SIPA1L1: variants seen among roughly 807,000 people sequenced by gnomAD.
SIPA1L1 encodes signal-induced proliferation-associated 1-like protein 1.
Under a neutral mutation model 162.7 loss-of-function variants are expected in SIPA1L1, and 26 were observed. The observed-to-expected ratio is 0.16, with a 90% CI of 0.12 to 0.22. The LOEUF is 0.22. Among genes scored for constraint, SIPA1L1 ranks in the 10% least tolerant of loss-of-function variants. The probability of loss-of-function intolerance (pLI) is 1.00; values close to 1 mark genes in which losing one functional copy is unlikely to be tolerated. For missense variants in SIPA1L1, 1,874 were observed against 2,241.0 expected, an observed-to-expected ratio of 0.84 and a Z score of 3.31; for synonymous variants, 829 against 837.4, an observed-to-expected ratio of 0.99 and a Z score of 0.17.
At chr14:71,433,797 G>A (rs2044180641) in intron 2 of SIPA1L1, among the ~76,000 whole-genome samples, 1 of 152,064 alleles carries the variant, frequency 6.6e-6, no homozygotes, top group South Asian at 2.1e-4. Flanking sequence ...AAAATCCAAG[G>A]CAATTTCATA....
intron 2 of SIPA1L1, among the ~76,000 whole-genome samples, chr14:71,461,556 A>T (rs1453252989): frequency 6.6e-6 from 1 of 152,178 alleles, no homozygotes; most frequent in African/African-American, 2.4e-5. Context: ...GACCACTCAG[A>T]GGGGTCCATC....
At chr14:71,364,241 A>G (rs753008461) in intron 2 of SIPA1L1, among the ~76,000 whole-genome samples, 4 of 152,162 alleles carry the variant, frequency 2.6e-5, no homozygotes, top group Non-Finnish European at 4.4e-5. Context: ...GTTATTTTTG[A>G]AAGTTAGATT....
At chr14:71,524,244 T>C (rs751587869) in intron 3 of SIPA1L1, among the ~76,000 whole-genome samples, 1 of 152,230 alleles carries the variant, frequency 6.6e-6, no homozygotes, top group Non-Finnish European at 1.5e-5. Context: ...GTTTTGTCTC[T>C]AGCCTCAGTG....
At position 71,536,627 on chromosome 14, in the gene SIPA1L1, C is replaced by T. The variant is rs1299396369; in HGVS notation, c.-303+7257C>T. ...TTTTAAAAAGAATGTGTTTCAGCAG[C>T]TGTTAATGTCAGCAGCAAGAACATA... On this transcript the variant is annotated intron_variant, in intron 4 of 23. Coordinates refer to ENST00000381232, the MANE Select transcript of SIPA1L1 (RefSeq NM_001386936.1). 3.3e-5 allele frequency among the ~76,000 whole-genome samples: 5 copies of T among 152,352 alleles called. No homozygotes were observed. The East Asian group carries it at 5.8e-4, about 18-fold the overall frequency.
intron 12 of SIPA1L1, among the ~76,000 whole-genome samples, chr14:71,678,117 T>A (rs538752751): frequency 8.5e-5 from 13 of 152,316 alleles, no homozygotes; most frequent in African/African-American, 2.9e-4. Flanking sequence ...CTTTTCCTAA[T>A]TGAATACCCT....
rs1555453967 is a variant in SIPA1L1, at chr14:71,543,871, A to ATATG, written c.-303+14502_-303+14503insATGT. 1.6e-3 allele frequency among the ~76,000 whole-genome samples: 228 copies of ATATG among 141,838 alleles called. 5 individuals are homozygous for ATATG. Among genetic ancestry groups the ATATG allele is most frequent in the Middle Eastern group, 3.6e-3 (1 of 278 alleles). The allele number at this position is 141,838 out of a possible 152,430, so 93.1% of individuals were successfully genotyped here. The stretch of plus-strand genomic sequence containing the variant: ...GTGTATATATACATATATCATACGT[A>ATATG]TGTGTATATATACATATATCATACG... On this transcript the variant is annotated intron_variant, in intron 4 of 23. Transcript: ENST00000381232.
Position 71,739,302 on chromosome 14 carries a change from C to T in SIPA1L1, c.*141C>T. 1 of 584,184 alleles carries T rather than the reference C, an allele frequency of 1.7e-6. No homozygotes were observed. The highest frequency in any genetic ancestry group is 2.6e-6 in the Non-Finnish European group (1 of 379,390). The allele number at this position is 584,184 out of a possible 1,614,324, so 36.2% of individuals were successfully genotyped here. On this transcript the variant is annotated 3_prime_UTR_variant, in exon 24 of 24. Transcript: ENST00000381232. ...GCCCCCTTTCGGGGAGTGCACAACACAATAGTTGCAGATCAACAATCATCA... is the reference window on the plus strand; with the variant it reads ...GCCCCCTTTCGGGGAGTGCACAACATAATAGTTGCAGATCAACAATCATCA...
At chr14:71,487,177 T>G (rs1268499244) in intron 2 of SIPA1L1, among the ~76,000 whole-genome samples, 2 of 152,228 alleles carry the variant, frequency 1.3e-5, no homozygotes, top group African/African-American at 4.8e-5. Flanking sequence ...GTTTCACGTC[T>G]TCTGCTCAGC....
chr14:71,448,410 C>A (rs2045574771), intron 2 of SIPA1L1, among the ~76,000 whole-genome samples: 1 of 152,070 alleles, frequency 6.6e-6, no homozygotes, highest in Non-Finnish European at 1.5e-5. Context: ...GAAACTGAGG[C>A]CCAGAGAGGT....
At chr14:71,699,727 C>T (rs545381354) in intron 14 of SIPA1L1, among the ~76,000 whole-genome samples, 52 of 152,258 alleles carry the variant, frequency 3.4e-4, no homozygotes, top group African/African-American at 1.2e-3. Flanking sequence ...GATTAGGGAT[C>T]AAATTTGTCT....
chr14:71,493,084 A>G (rs901507597), intron 2 of SIPA1L1, among the ~76,000 whole-genome samples: 1 of 151,808 alleles, frequency 6.6e-6, no homozygotes, highest in African/African-American at 2.4e-5. Flanking sequence ...CCCCCAAAAC[A>G]TAGGTATTTA....
intron 17 of SIPA1L1, among the ~76,000 whole-genome samples, chr14:71,720,444 G>A (rs564899544): frequency 4.6e-5 from 7 of 152,232 alleles, no homozygotes; most frequent in African/African-American, 1.4e-4. Context: ...AGCTGGGCAT[G>A]GTGGCGGGTG....
chr14:71,341,139 C>T (rs1007974344), intron 2 of SIPA1L1, among the ~76,000 whole-genome samples: 8 of 152,132 alleles, frequency 5.3e-5, no homozygotes, highest in African/African-American at 1.7e-4. Flanking sequence ...CGAGGGAAGT[C>T]CAAGGCCCGG....
At chr14:71,477,481 A>G (rs1171014822) in intron 2 of SIPA1L1, among the ~76,000 whole-genome samples, 1 of 152,144 alleles carries the variant, frequency 6.6e-6, no homozygotes, top group East Asian at 1.9e-4. Flanking sequence ...TATAGAGCAG[A>G]CCATCTCTAA....
At chr14:71,462,713 G>A (rs765531172) in intron 2 of SIPA1L1, among the ~76,000 whole-genome samples, 1 of 152,108 alleles carries the variant, frequency 6.6e-6, no homozygotes, top group Non-Finnish European at 1.5e-5. Flanking sequence ...CCAGTGTCTT[G>A]CTCACTAGAT....
At chr14:71,487,947 G>T (rs2048905740) in intron 2 of SIPA1L1, among the ~76,000 whole-genome samples, 1 of 152,196 alleles carries the variant, frequency 6.6e-6, no homozygotes, top group Admixed American at 6.5e-5. Flanking sequence ...AGGGAACTGG[G>T]GGAGACAGAC....
At chr14:71,703,424 G>A (rs1485670047) in intron 15 of SIPA1L1, among the ~76,000 whole-genome samples, 3 of 152,206 alleles carry the variant, frequency 2.0e-5, no homozygotes, top group Admixed American at 6.5e-5. Context: ...AGAAAGGAGT[G>A]GAGATGTGTT....
At chr14:71,445,458 A>C (rs141149164) in intron 2 of SIPA1L1, among the ~76,000 whole-genome samples, 1 of 151,766 alleles carries the variant, frequency 6.6e-6, no homozygotes, top group Non-Finnish European at 1.5e-5. Context: ...TAATTCTTGT[A>C]TCTAGAAACA....
intron 2 of SIPA1L1, among the ~76,000 whole-genome samples, chr14:71,405,736 C>G (rs150640888): frequency 1.3e-5 from 2 of 152,308 alleles, no homozygotes; most frequent in Non-Finnish European, 2.9e-5. Flanking sequence ...AATACTGATA[C>G]TTTGGCTACT....
Sources: gnomAD v4.1 joint callset for allele counts (sites outside exome capture counted in the v4.1 genomes callset) on GRCh38, gnomAD v4.1.1 for gene constraint, MANE v1.5 for transcripts, NCBI Gene and HGNC (gene_info 2026-07-23, HGNC 2026-07-21) for gene names.